The following COL4A6 variants were observed in gnomAD, a reference collection of about 807,000 sequenced individuals.
The protein encoded by COL4A6 is collagen type IV alpha 6 chain, also known as collagen alpha-6(IV) chain.
Under a neutral mutation model 126.7 loss-of-function variants are expected in COL4A6, and 59 were observed. The ratio of observed to expected loss-of-function variants is 0.47; its 90% CI spans 0.38 to 0.58. The LOEUF (loss-of-function observed/expected upper bound fraction) is 0.58. COL4A6 is among the 20% of genes least tolerant of loss of function. COL4A6 has a pLI of 0.00. For synonymous variants in COL4A6, 547 were observed against 496.6 expected (o/e 1.10, Z -1.35); for missense variants, 1,285 against 1,337.3 (o/e 0.96, Z 0.61).
intron 2 of COL4A6, among the ~76,000 whole-genome samples, chrX:108,370,689 C>T (rs2040304295): frequency 9.0e-6 from 1 of 110,824 alleles, no homozygotes; most frequent in African/African-American, 3.3e-5. Flanking sequence ...TGGTCCACAT[C>T]CAAACTCTGG....
intron 3 of COL4A6, among the ~76,000 whole-genome samples, chrX:108,277,124 C>G (rs58853840): frequency 0.26 from 29,242 of 110,613 alleles, 3,216 homozygotes; most frequent in East Asian, 0.62. Flanking sequence ...AGGTTCATCT[C>G]ACTAGGGAGT....
At position 108,161,929 on chromosome X, in the gene COL4A6, C is replaced by A. The variant is rs147708987; in HGVS notation, c.4217-194G>T. ...TTCTTAGTTCATGGGGGCATCTCTG[C>A]CCTGGGGCAGTGCCCTCAACTTAGC... On this transcript the variant is annotated intron_variant, in intron 41 of 44. Coordinates refer to ENST00000334504, the MANE Select transcript of COL4A6 (RefSeq NM_033641.4). Among the ~76,000 whole-genome samples, 18 of 112,507 alleles carry A rather than the reference C, an allele frequency of 1.6e-4. No individual in the cohort carries two copies. In the East Asian group the frequency reaches 5.0e-3, roughly 32 times the overall value.
chrX:108,194,190 T>C (rs1245681761), intron 16 of COL4A6, among the ~76,000 whole-genome samples: 1 of 112,188 alleles, frequency 8.9e-6, no homozygotes, highest in Non-Finnish European at 1.9e-5. Context: ...GGCAGTTATA[T>C]GCTCCAGGTG....
At chrX:108,349,446 C>T (rs775816757) in intron 2 of COL4A6, among the ~76,000 whole-genome samples, 32 of 111,749 alleles carry the variant, frequency 2.9e-4, no homozygotes, top group Non-Finnish European at 5.3e-4. Flanking sequence ...AAAAGATAGC[C>T]CTTGGTTTAG....
intron 3 of COL4A6, among the ~76,000 whole-genome samples, chrX:108,264,244 T>C (rs1176680700): frequency 9.0e-6 from 1 of 111,625 alleles, no homozygotes; most frequent in Non-Finnish European, 1.9e-5. Flanking sequence ...TAGAAAGCTT[T>C]ATGCAGAGTA....
chrX:108,218,024 C>T (rs2035910552), intron 5 of COL4A6, among the ~76,000 whole-genome samples: 2 of 112,049 alleles, frequency 1.8e-5, no homozygotes, highest in African/African-American at 6.5e-5. Context: ...GTGATCAACT[C>T]CTGCAAGCTC....
chrX:108,375,306 A>G (rs2040411499), intron 2 of COL4A6, among the ~76,000 whole-genome samples: 1 of 112,077 alleles, frequency 8.9e-6, no homozygotes, highest in African/African-American at 3.2e-5. Context: ...CTGTATAACA[A>G]TCAACCTACC....
At chrX:108,390,482 T>C (rs1468008441) in intron 2 of COL4A6, among the ~76,000 whole-genome samples, 3 of 108,682 alleles carry the variant, frequency 2.8e-5, no homozygotes, top group African/African-American at 1.0e-4. Context: ...ATTGAGTTGA[T>C]CTTCAATCTC....
At chrX:108,235,099 G>A (rs1240672998) in intron 3 of COL4A6, among the ~76,000 whole-genome samples, 1 of 111,710 alleles carries the variant, frequency 9.0e-6, no homozygotes, top group Non-Finnish European at 1.9e-5. Flanking sequence ...AGGAGCAGGA[G>A]GAAGCAAAGC....
intron 2 of COL4A6, among the ~76,000 whole-genome samples, chrX:108,356,213 C>T (rs1257520018): frequency 9.5e-6 from 1 of 104,803 alleles, no homozygotes; most frequent in Non-Finnish European, 1.9e-5. Context: ...GTTTTTTGTC[C>T]TTGCGATAGT....
intron 2 of COL4A6, among the ~76,000 whole-genome samples, chrX:108,351,164 A>G (rs2039832113): frequency 9.0e-6 from 1 of 111,280 alleles, no homozygotes; most frequent in Non-Finnish European, 1.9e-5. Context: ...TCGTCCAAAG[A>G]ATTGTGCCCT....
At chrX:108,398,586 A>C (rs1054021857) in intron 2 of COL4A6, among the ~76,000 whole-genome samples, 1 of 111,159 alleles carries the variant, frequency 9.0e-6, no homozygotes, top group African/African-American at 3.3e-5. Context: ...GCAAAAATTC[A>C]CTTATGATTC....
At chrX:108,289,976 A>T (rs749080047) in intron 3 of COL4A6, among the ~76,000 whole-genome samples, 5 of 111,718 alleles carry the variant, frequency 4.5e-5, no homozygotes, top group Middle Eastern at 4.6e-3. Context: ...GTTACTAATC[A>T]GTGTCCCCCT....
At chrX:108,333,469 AG>A (rs1392673384) in intron 2 of COL4A6, among the ~76,000 whole-genome samples, 6 of 111,084 alleles carry the variant, frequency 5.4e-5, no homozygotes, top group African/African-American at 2.0e-4. Context: ...CATATTGAAC[AG>A]GAAAAAGTTA....
chrX:108,170,833 T>A lies in COL4A6; in HGVS notation c.3362A>T (p.Asp1121Val), dbSNP rs1316565933. The change falls in exon 34 of 45, where the codon GAT becomes GTT. Residue 1121 changes from aspartate to valine, a missense_variant. Physicochemically the swap from Asp to Val is radical, Grantham distance 152. Coordinates refer to ENST00000334504, the MANE Select transcript of COL4A6 (RefSeq NM_033641.4). ...GEDGKVGVSG[D>V]VGLPGAPGFP... is the part of the protein sequence containing the mutation. ...ACCTGGAGCTCCAGGAAGGCCAACA[T>A]CTCCAGAAACACCAACTTTTCCATC... 1 of 1,212,015 alleles carries A rather than the reference T, an allele frequency of 8.3e-7. No individual in the cohort carries two copies. The highest frequency in any genetic ancestry group is 1.8e-5 in the South Asian group (1 of 57,028).
intron 2 of COL4A6, among the ~76,000 whole-genome samples, chrX:108,394,253 C>T (rs1347325503): frequency 9.2e-6 from 1 of 109,105 alleles, no homozygotes; most frequent in Non-Finnish European, 1.9e-5. Context: ...GGGAGGGGAA[C>T]ATCACACACT....
chrX:108,160,350 T>C (rs1000576827), intron 43 of COL4A6, 113 bp downstream of exon 43: 37 of 753,026 alleles, frequency 4.9e-5, no homozygotes, highest in African/African-American at 8.5e-5. Flanking sequence ...GAGCTGATGC[T>C]TGTAACTCAC....
chrX:108,198,724 C>T (rs1286186397), intron 13 of COL4A6, among the ~76,000 whole-genome samples: 1 of 111,161 alleles, frequency 9.0e-6, no homozygotes, highest in Non-Finnish European at 1.9e-5. Context: ...TAACTGTTTC[C>T]AGGCCTGCTC....
chrX:108,395,603 G>T (rs2040947354), intron 2 of COL4A6, among the ~76,000 whole-genome samples: 1 of 111,918 alleles, frequency 8.9e-6, no homozygotes, highest in South Asian at 3.8e-4. Flanking sequence ...TATTAAGCAG[G>T]AGAATCAACT....
Sources: allele counts gnomAD v4.1 joint callset (sites outside exome capture counted in the v4.1 genomes callset), GRCh38; gene constraint gnomAD v4.1.1; transcripts MANE v1.5; gene names NCBI Gene and HGNC (gene_info 2026-07-23, HGNC 2026-07-21).